The following OPA3 variants were observed in gnomAD, a reference collection of about 807,000 sequenced individuals.
OPA3 encodes optic atrophy 3 protein.
Under a neutral mutation model 4.0 loss-of-function variants are expected in OPA3, and 6 were observed. The ratio of observed to expected loss-of-function variants is 1.51; its 90% CI spans 0.83 to 2.99. The LOEUF (loss-of-function observed/expected upper bound fraction) is 2.99, where lower values mean the gene tolerates loss of function less well. Among genes scored for constraint, OPA3 ranks in the 30% most tolerant of loss-of-function variants. The probability of loss-of-function intolerance (pLI) is 0.00; values close to 1 mark genes in which losing one functional copy is unlikely to be tolerated. For missense variants in OPA3, 235 were observed against 256.2 expected (o/e 0.92, Z 0.56); for synonymous variants, 105 against 117.1 (o/e 0.90, Z 0.67).
chr19:45,557,171 T>C (rs1969433192), intron 1 of OPA3, among the ~76,000 whole-genome samples: 1 of 152,030 alleles, frequency 6.6e-6, no homozygotes, highest in South Asian at 2.1e-4. Context: ...AGACCAAGCA[T>C]GGGGATCTGG....
downstream of OPA3, among the ~76,000 whole-genome samples, chr19:45,545,178 A>C (rs1431472043): frequency 5.5e-4 from 81 of 146,100 alleles, 5 homozygotes; most frequent in African/African-American, 1.6e-3. Context: ...AAAAAAAAAA[A>C]CAAAAAAACA....
intron 1 of OPA3, among the ~76,000 whole-genome samples, chr19:45,579,055 G>A (rs1389158808): frequency 2.6e-5 from 4 of 151,872 alleles, no homozygotes; most frequent in East Asian, 3.9e-4. Context: ...GGGCTGGAAC[G>A]TTTCTTCCCC....
intron 1 of OPA3, among the ~76,000 whole-genome samples, chr19:45,561,085 G>A (rs1969495041): frequency 1.3e-5 from 2 of 152,192 alleles, no homozygotes; most frequent in African/African-American, 4.8e-5. Context: ...TGTAATCCCA[G>A]CACTTTGGGA....
downstream of OPA3, among the ~76,000 whole-genome samples, chr19:45,543,325 AT>A (rs774511385): frequency 9.0e-4 from 122 of 135,608 alleles, no homozygotes; most frequent in Admixed American, 1.1e-3. Context: ...TTTATTTTTA[AT>A]TTTTTTTTTT....
chr19:45,580,822 T>C (rs780678764), intron 1 of OPA3, among the ~76,000 whole-genome samples: 15 of 151,824 alleles, frequency 9.9e-5, no homozygotes, highest in Non-Finnish European at 1.9e-4. Flanking sequence ...TTCACCATGT[T>C]GGCCAGGCTG....
At chr19:45,565,525 G>A (rs1969569785) in intron 1 of OPA3, among the ~76,000 whole-genome samples, 1 of 152,196 alleles carries the variant, frequency 6.6e-6, no homozygotes, top group East Asian at 1.9e-4. Flanking sequence ...AGCTACCCGG[G>A]AGGCTGATGC....
chr19:45,567,763 G>A (rs908894539), intron 1 of OPA3, among the ~76,000 whole-genome samples: 9 of 152,108 alleles, frequency 5.9e-5, no homozygotes, highest in Non-Finnish European at 1.2e-4. Flanking sequence ...ACTGCCTCAG[G>A]GAACCTGTTT....
downstream of OPA3, among the ~76,000 whole-genome samples, chr19:45,543,125 T>C (rs377035392): frequency 6.6e-6 from 1 of 151,592 alleles, no homozygotes; most frequent in African/African-American, 2.4e-5. Context: ...CCCACCCACC[T>C]CAGCCTCCCT....
chr19:45,557,311 A>G (rs1260893067), intron 1 of OPA3, among the ~76,000 whole-genome samples: 1 of 151,980 alleles, frequency 6.6e-6, no homozygotes, highest in Non-Finnish European at 1.5e-5. Flanking sequence ...GGGCTTTCAG[A>G]GCAGGGGCCG....
intron 1 of OPA3, among the ~76,000 whole-genome samples, chr19:45,561,221 T>A (rs1226490495): frequency 6.6e-6 from 1 of 152,066 alleles, no homozygotes; most frequent in African/African-American, 2.4e-5. Flanking sequence ...TAATCCCAGC[T>A]ACTCGGGAGG....
At chr19:45,561,497 G>A (rs1484568318) in intron 1 of OPA3, among the ~76,000 whole-genome samples, 1 of 152,170 alleles carries the variant, frequency 6.6e-6, no homozygotes, top group Non-Finnish European at 1.5e-5. Context: ...GTGACTGCTA[G>A]AGCCCACGAT....
chr19:45,551,543 A>T lies in OPA3; in HGVS notation c.*1971T>A, dbSNP rs572183370. 6 of 202,328 alleles carry T rather than the reference A, an allele frequency of 3.0e-5. No homozygotes were observed. Among genetic ancestry groups the T allele is most frequent in the Non-Finnish European group, 5.3e-5 (6 of 113,958 alleles). The allele number at this position is 202,328 out of a possible 1,614,324, so 12.5% of individuals were successfully genotyped here. On this transcript the variant is annotated 3_prime_UTR_variant, in exon 2 of 2. Coordinates refer to ENST00000263275, the MANE Select transcript of OPA3 (RefSeq NM_025136.4). ...GCAGAGCCAAGGAAGGCCTGGAATC[A>T]CCAGGAGCTGGAAGAGGGAGCGTGT...
At position 45,548,657 on chromosome 19, in the gene OPA3, T is replaced by A. The variant is rs4803833; in HGVS notation, c.*4857A>T. On this transcript the variant is annotated 3_prime_UTR_variant, in exon 2 of 2. Coordinates refer to ENST00000263275, the MANE Select transcript of OPA3 (RefSeq NM_025136.4). The stretch of plus-strand genomic sequence containing the variant: ...CTCAGTGAGTTTTGTGTTTTATTTT[T>A]TTTATTTTTTTTTTTTTTGCGGGAG... 536,203 of 901,998 alleles carry A rather than the reference T, an allele frequency of 0.59. 146,614 individuals carry two copies. Among genetic ancestry groups the A allele is most frequent in the East Asian group, 0.84 (6,837 of 8,138 alleles). The allele number at this position is 901,998 out of a possible 1,614,324, so 55.9% of individuals were successfully genotyped here.
intron 1 of OPA3, among the ~76,000 whole-genome samples, chr19:45,557,337 G>A (rs1019762408): frequency 6.6e-6 from 1 of 152,110 alleles, no homozygotes; most frequent in Non-Finnish European, 1.5e-5. Flanking sequence ...ATTCTCCCTC[G>A]GGCCAGCGGT....
chr19:45,557,320 C>T (rs1007610788), intron 1 of OPA3, among the ~76,000 whole-genome samples: 12 of 152,006 alleles, frequency 7.9e-5, no homozygotes, highest in Non-Finnish European at 1.6e-4. Context: ...GAGCAGGGGC[C>T]GACGGCATTC....
At chr19:45,556,919 G>T (rs1969429370) in intron 1 of OPA3, among the ~76,000 whole-genome samples, 1 of 152,224 alleles carries the variant, frequency 6.6e-6, no homozygotes, top group African/African-American at 2.4e-5. Flanking sequence ...TCCGCCACCT[G>T]CTGCCTGAGC....
intron 1 of OPA3, among the ~76,000 whole-genome samples, chr19:45,559,266 T>C (rs865781954): frequency 6.6e-6 from 1 of 152,166 alleles, no homozygotes; most frequent in South Asian, 2.1e-4. Context: ...CAGTATTCTA[T>C]TGGACTCATA....
intron 1 of OPA3, among the ~76,000 whole-genome samples, chr19:45,576,627 G>C (rs1193704722): frequency 6.6e-6 from 1 of 150,732 alleles, no homozygotes; most frequent in Non-Finnish European, 1.5e-5. Flanking sequence ...GAAGTCTCCA[G>C]TGGAGAATCC....
In OPA3 at chr19:45,550,923, G is replaced by A. The variant is rs1969322968; in HGVS notation, c.*2591C>T. ...GTTCCTAGACTGTTCCTCTCAGCTA[G>A]CAGGAAGGCCAAATGGCCCGCGGGG... On this transcript the variant is annotated 3_prime_UTR_variant, in exon 2 of 2. Transcript: ENST00000263275. 1.0e-6 allele frequency: 1 copy of A among 985,660 alleles called. No homozygotes were observed. 61.1% of individuals were successfully genotyped at this position (985,660 alleles called of 1,614,324 possible).
Sources: gnomAD v4.1 joint callset for allele counts (sites outside exome capture counted in the v4.1 genomes callset) on GRCh38, gnomAD v4.1.1 for gene constraint, MANE v1.5 for transcripts, NCBI Gene and HGNC (gene_info 2026-07-23, HGNC 2026-07-21) for gene names.